Variants in TMEM53 observed in about 807,000 individuals in gnomAD.
TMEM53 encodes the protein novel DUF829 domain-containing protein.
Under a neutral mutation model 21.4 loss-of-function variants are expected in TMEM53, and 14 were observed. The observed-to-expected ratio is 0.65, with a 90% CI of 0.43 to 1.02. The LOEUF (loss-of-function observed/expected upper bound fraction) is 1.02, where lower values mean the gene tolerates loss of function less well. TMEM53 is among the 50% of genes least tolerant of loss of function. The pLI, the probability that TMEM53 is intolerant of heterozygous loss-of-function variation, is 0.00. For synonymous variants in TMEM53, 148 were observed against 157.4 expected (o/e 0.94, Z 0.45); for missense variants, 323 against 383.6 (o/e 0.84, Z 1.32).
In TMEM53 at chr1:44,674,472, G is replaced by C. The variant is rs1042986509; in HGVS notation, c.-81C>G. 41 of 1,439,940 alleles carry C rather than the reference G, an allele frequency of 2.8e-5. No homozygotes were observed. The highest frequency in any genetic ancestry group is 3.7e-5 in the Non-Finnish European group (39 of 1,063,668). 89.2% of individuals were successfully genotyped at this position (1,439,940 alleles called of 1,614,324 possible). The stretch of plus-strand genomic sequence containing the variant: ...CCGTGCCTCACCCGGGCGCCTCCTG[G>C]GCGCCGCCCAATCACCACACACCTC... On this transcript the variant is annotated 5_prime_UTR_variant, in exon 1 of 3. Transcript: ENST00000372237.
rs895152412 is a variant in TMEM53 at position 44,653,882 on chromosome 1, T to A, written c.*677A>T. On this transcript the variant is annotated 3_prime_UTR_variant, in exon 3 of 3. Coordinates refer to ENST00000372237, the MANE Select transcript of TMEM53 (RefSeq NM_024587.4). ...TGCAAGATGATGAAGTTCTGAATTATGCAAGATGCAAGACTATTCAGTTCT... is the reference window on the plus strand; with the variant it reads ...TGCAAGATGATGAAGTTCTGAATTAAGCAAGATGCAAGACTATTCAGTTCT... 6.6e-6 allele frequency: 1 copy of A among 152,272 alleles called. No individual in the cohort carries two copies. The highest frequency in any genetic ancestry group is 1.5e-5 in the Non-Finnish European group (1 of 68,050). 9.4% of individuals were successfully genotyped at this position (152,272 alleles called of 1,614,324 possible).
intron 2 of TMEM53, among the ~76,000 whole-genome samples, chr1:44,658,447 T>C (rs1644869551): frequency 6.6e-6 from 1 of 151,972 alleles, no homozygotes; most frequent in Non-Finnish European, 1.5e-5. Context: ...CACCCCCAAC[T>C]CCAAGGTCCT....
At chr1:44,661,149 G>A (rs560620215) in intron 1 of TMEM53, among the ~76,000 whole-genome samples, 2 of 152,236 alleles carry the variant, frequency 1.3e-5, no homozygotes, top group South Asian at 4.1e-4. Flanking sequence ...ACAAGATCGA[G>A]CGACTCACAA....
chr1:44,670,982 T>G (rs920365464), intron 1 of TMEM53, among the ~76,000 whole-genome samples: 1 of 152,220 alleles, frequency 6.6e-6, no homozygotes, highest in African/African-American at 2.4e-5. Context: ...TCAGAGCAGC[T>G]CTGGCTTGGG....
In TMEM53 at chr1:44,674,082, G is replaced by T. The variant is rs530986548; in HGVS notation, c.61+249C>A. 38 of 985,446 alleles carry T rather than the reference G, an allele frequency of 3.9e-5. No homozygotes were observed. The African/African-American group carries it at 6.4e-4, about 17-fold the overall frequency. 61.0% of individuals were successfully genotyped at this position (985,446 alleles called of 1,614,324 possible). A position where few individuals can be genotyped will look rare whatever the true frequency, so the allele number is the denominator to read the frequency against. ...CTGAGCACCCCGGACAGGAAAGACA[G>T]AAAAAGAGGTCCCAAGCGAGCAGCT... is the stretch of plus-strand genomic sequence containing the variant. On this transcript the variant is annotated intron_variant, in intron 1 of 2. Coordinates refer to ENST00000372237, the MANE Select transcript of TMEM53 (RefSeq NM_024587.4).
intron 1 of TMEM53, among the ~76,000 whole-genome samples, chr1:44,669,995 T>C (rs1644985172): frequency 6.6e-6 from 1 of 151,462 alleles, no homozygotes; most frequent in Admixed American, 6.6e-5. Context: ...ATGGGGTTTC[T>C]CCATATTGGT....
At chr1:44,668,587 G>A (rs1453866841) in intron 1 of TMEM53, among the ~76,000 whole-genome samples, 1 of 152,114 alleles carries the variant, frequency 6.6e-6, no homozygotes, top group Non-Finnish European at 1.5e-5. Context: ...TGTTGCCCAG[G>A]CTGGAGGGCA....
At chr1:44,661,501 G>A (rs1644902268) in intron 1 of TMEM53, among the ~76,000 whole-genome samples, 2 of 151,766 alleles carry the variant, frequency 1.3e-5, no homozygotes, top group South Asian at 4.2e-4. Context: ...TCAGCCTCCC[G>A]GGAACAAGAA....
At chr1:44,674,005 G>A (rs975907334) in intron 1 of TMEM53, 1 of 985,334 alleles carries the variant, frequency 1.0e-6, no homozygotes, top group Non-Finnish European at 1.2e-6. Flanking sequence ...AATCAGGAGG[G>A]ATCCAGCTTT....
At chr1:44,667,411 G>A (rs890884888) in intron 1 of TMEM53, among the ~76,000 whole-genome samples, 4 of 150,712 alleles carry the variant, frequency 2.7e-5, no homozygotes, top group South Asian at 2.1e-4. Context: ...AGGTTCAAGC[G>A]ATTCTCCTGC....
chr1:44,665,635 CAAA>C (rs60408442), intron 1 of TMEM53, among the ~76,000 whole-genome samples: 2 of 77,082 alleles, frequency 2.6e-5, no homozygotes, highest in African/African-American at 4.8e-5. Flanking sequence ...AACTCCATCT[CAAA>C]AAAAAAAAAA....
At chr1:44,672,091 G>A (rs1403648957) in intron 1 of TMEM53, among the ~76,000 whole-genome samples, 3 of 152,360 alleles carry the variant, frequency 2.0e-5, no homozygotes, top group Admixed American at 6.5e-5. Context: ...TCTGCAGATA[G>A]GAAGCAAATG....
chr1:44,665,715 A>G (rs1028922900), intron 1 of TMEM53, among the ~76,000 whole-genome samples: 2 of 152,138 alleles, frequency 1.3e-5, no homozygotes, highest in South Asian at 4.1e-4. Flanking sequence ...ATGGAGAAAT[A>G]TTCAATAATA....
chr1:44,654,956 G>A lies in TMEM53; in HGVS notation c.437C>T (p.Pro146Leu). The A allele has an allele frequency of 6.2e-7, 1 of 1,613,912 alleles. No homozygotes were observed. The highest frequency in any genetic ancestry group is 8.5e-7 in the Non-Finnish European group (1 of 1,179,936). Residue 146 changes from proline to leucine, a missense_variant, in exon 3 of 3, where the codon CCT (proline) becomes CTT (leucine). Transcript: ENST00000372237. The surrounding 1 kb of genome is among the most constrained non-coding windows in gnomAD (Gnocchi z 7.0). Reference sequence around the variant, plus strand: ...AGCCCCTACCAGGTTGCTGTCACCAGGAGCGCTGTCAAAGATGGTGCCCAC... The same window carrying A: ...AGCCCCTACCAGGTTGCTGTCACCAAGAGCGCTGTCAAAGATGGTGCCCAC... ...RVVGTIFDSA[P>L]GDSNLVGALR...
In TMEM53 at chr1:44,654,267, G is replaced by A; in HGVS notation, c.*292C>T. On this transcript the variant is annotated 3_prime_UTR_variant, in exon 3 of 3. Transcript: ENST00000372237. This position sits in a 1 kb window ranked among gnomAD's most constrained non-coding sequence, Gnocchi z 7.0. ...CTCCATTTGTCAACCTCTACAGCCT[G>A]CATGCCACAGGAATCAGCAGCCTGA... 2.5e-6 allele frequency: 1 copy of A among 399,610 alleles called. No individual in the cohort carries two copies. 24.8% of individuals were successfully genotyped at this position (399,610 alleles called of 1,614,324 possible).
intron 1 of TMEM53, among the ~76,000 whole-genome samples, chr1:44,669,861 C>T (rs1392137515): frequency 6.7e-6 from 1 of 149,720 alleles, no homozygotes; most frequent in Non-Finnish European, 1.5e-5. Context: ...TGCAATGGCA[C>T]AATCTCGGCT....
At chr1:44,662,068 A>G (rs1183968215) in intron 1 of TMEM53, among the ~76,000 whole-genome samples, 1 of 152,258 alleles carries the variant, frequency 6.6e-6, no homozygotes, top group Non-Finnish European at 1.5e-5. Flanking sequence ...ACCTGGCAAC[A>G]GTAAATTTCA....
intron 1 of TMEM53, among the ~76,000 whole-genome samples, chr1:44,663,533 C>T (rs950149623): frequency 1.3e-5 from 2 of 152,244 alleles, no homozygotes; most frequent in African/African-American, 4.8e-5. Flanking sequence ...AGCCACCGCA[C>T]CTGGCCAAAA....
At chr1:44,660,334 G>A (rs1172760081) in intron 1 of TMEM53, 39 bp from the exon 2 acceptor site, 20 of 1,586,794 alleles carry the variant, frequency 1.3e-5, no homozygotes, top group Non-Finnish European at 1.5e-5. Flanking sequence ...CAGAGCTGGG[G>A]TGGGGGCGGG....
Sources: allele counts gnomAD v4.1 joint callset (sites outside exome capture counted in the v4.1 genomes callset), GRCh38; gene constraint gnomAD v4.1.1; non-coding constraint Gnocchi (gnomAD v3.1); transcripts MANE v1.5; gene names NCBI Gene and HGNC (gene_info 2026-07-23, HGNC 2026-07-21).